EXT2: variants seen among roughly 807,000 people sequenced by gnomAD.
EXT2 encodes the protein exostosin glycosyltransferase 2.
A neutral mutation model predicts 81.6 loss-of-function variants in EXT2; 53 were observed. The ratio of observed to expected loss-of-function variants is 0.65; its 90% CI spans 0.52 to 0.82. The LOEUF is 0.82. Ranked by LOEUF, EXT2 falls within the 40% of genes least tolerant of loss-of-function variation. The probability of loss-of-function intolerance (pLI) is 0.00; values close to 1 mark genes in which losing one functional copy is unlikely to be tolerated. For synonymous variants in EXT2, 320 were observed against 340.0 expected (o/e 0.94, Z 0.65); for missense variants, 774 against 910.2 (o/e 0.85, Z 1.93).
chr11:44,117,653 C>G (rs183606244), intron 4 of EXT2, among the ~76,000 whole-genome samples: 1 of 152,172 alleles, frequency 6.6e-6, no homozygotes, highest in Non-Finnish European at 1.5e-5. Context: ...ATTGTCAATT[C>G]GAATCTGTTG....
chr11:44,167,171 A>C (rs993080331), intron 7 of EXT2, among the ~76,000 whole-genome samples: 1 of 152,204 alleles, frequency 6.6e-6, no homozygotes, highest in African/African-American at 2.4e-5. Context: ...GGCCTATTAA[A>C]GTATTTGGGA....
Position 44,244,388 on chromosome 11 carries a change from G to C in EXT2, c.*101G>C, listed in dbSNP as rs117755165. On this transcript the variant is annotated 3_prime_UTR_variant, in exon 14 of 14. Coordinates refer to ENST00000533608, the MANE Select transcript of EXT2 (RefSeq NM_207122.2). ...CAGAGTAGTAGGTTAAGGGTGGAAG[G>C]TTGACCTACTTGGATCTTGGCATGC... 6,004 of 1,352,236 alleles carry C rather than the reference G, an allele frequency of 4.4e-3. 25 individuals are homozygous for C. The highest frequency in any genetic ancestry group is 8.7e-3 in the Middle Eastern group (42 of 4,834). 83.8% of individuals were successfully genotyped at this position (1,352,236 alleles called of 1,614,324 possible).
intron 6 of EXT2, among the ~76,000 whole-genome samples, chr11:44,129,534 C>A (rs557194687): frequency 6.6e-6 from 1 of 152,204 alleles, no homozygotes; most frequent in Non-Finnish European, 1.5e-5. Flanking sequence ...ATTCTTCTGG[C>A]CTGCTTACTC....
chr11:44,171,246 A>G (rs1204536992), intron 7 of EXT2, among the ~76,000 whole-genome samples: 2 of 152,240 alleles, frequency 1.3e-5, no homozygotes, highest in African/African-American at 4.8e-5. Context: ...TTGTAAGAGT[A>G]TGTACATATG....
chr11:44,199,409 G>A (rs979057418), intron 9 of EXT2, among the ~76,000 whole-genome samples: 13 of 152,218 alleles, frequency 8.5e-5, no homozygotes, highest in South Asian at 2.1e-4. Flanking sequence ...TAGTCCCTTC[G>A]TTTATAAAGG....
chr11:44,116,969 CTT>C lies in EXT2; in HGVS notation c.743+2684_743+2685del, dbSNP rs555225810. On this transcript the variant is annotated intron_variant, in intron 4 of 13. Transcript: ENST00000533608. Reference sequence around the variant, plus strand: ...CATTCTATAGACTGCTTTTCACTTTCTTTTTTTTTTTTTTTTTGAGACGGAGT... The same window carrying C: ...CATTCTATAGACTGCTTTTCACTTTCTTTTTTTTTTTTTTTGAGACGGAGT... The C allele has an allele frequency of 3.9e-3, 533 of 137,544 alleles. 3 individuals carry two copies. Among genetic ancestry groups the C allele is most frequent in the Middle Eastern group, 0.023 (6 of 264 alleles). 8.5% of individuals were successfully genotyped at this position (137,544 alleles called of 1,614,324 possible).
intron 7 of EXT2, among the ~76,000 whole-genome samples, chr11:44,163,162 G>A (rs1483761989): frequency 1.3e-5 from 2 of 152,176 alleles, no homozygotes; most frequent in Non-Finnish European, 2.9e-5. Flanking sequence ...TCCACAAGAA[G>A]TGCCTTTAAA....
At chr11:44,213,527 A>G (rs979489898) in intron 10 of EXT2, among the ~76,000 whole-genome samples, 10 of 152,332 alleles carry the variant, frequency 6.6e-5, no homozygotes, top group African/African-American at 2.4e-4. Context: ...CAGTAAAAAG[A>G]CAGAAGATAT....
At chr11:44,177,340 A>C (rs1170326050) in intron 8 of EXT2, among the ~76,000 whole-genome samples, 1 of 152,162 alleles carries the variant, frequency 6.6e-6, no homozygotes, top group African/African-American at 2.4e-5. Context: ...AAGCTTTGTC[A>C]TCTCCCTAAA....
chr11:44,173,392 C>CT (rs1163997972), intron 8 of EXT2, among the ~76,000 whole-genome samples: 1 of 151,760 alleles, frequency 6.6e-6, no homozygotes, highest in Non-Finnish European at 1.5e-5. Flanking sequence ...GTTTTTCTGC[C>CT]TTTTTTATTT....
rs1423316368 is a variant in EXT2, at chr11:44,198,076, C to T, written c.1495+58C>T. 5.2e-6 allele frequency: 8 copies of T among 1,549,128 alleles called. No homozygotes were observed. In the East Asian group the frequency reaches 1.8e-4, roughly 35 times the overall value. On this transcript the variant is annotated intron_variant, in intron 9 of 13. Transcript: ENST00000533608. The stretch of plus-strand genomic sequence containing the variant: ...CAATTTTGGATGGCCAAATTATTCA[C>T]ATCCTTTGTTTTAAATAAATTTTCC...
chr11:44,130,569 C>T (rs922904201), intron 7 of EXT2, among the ~76,000 whole-genome samples: 2 of 152,156 alleles, frequency 1.3e-5, no homozygotes, highest in Non-Finnish European at 2.9e-5. Flanking sequence ...GGAATCCTTC[C>T]CTCTCTTCTG....
chr11:44,112,375 A>C (rs776490161), intron 3 of EXT2, among the ~76,000 whole-genome samples: 2 of 152,178 alleles, frequency 1.3e-5, no homozygotes, highest in African/African-American at 2.4e-5. Context: ...TCATATTAAT[A>C]CTTCTTTAGC....
At chr11:44,152,926 T>C (rs962021346) in intron 7 of EXT2, among the ~76,000 whole-genome samples, 3 of 152,236 alleles carry the variant, frequency 2.0e-5, no homozygotes, top group African/African-American at 7.2e-5. Flanking sequence ...TTGATGACTG[T>C]AGCTTTATTT....
chr11:44,223,689 G>T (rs117956812), intron 10 of EXT2, among the ~76,000 whole-genome samples: 1 of 146,476 alleles, frequency 6.8e-6, no homozygotes, highest in South Asian at 2.2e-4. Flanking sequence ...TCGCTCTGTC[G>T]CCTGGCGACA....
chr11:44,155,655 T>G (rs1954846893), intron 7 of EXT2, among the ~76,000 whole-genome samples: 1 of 152,204 alleles, frequency 6.6e-6, no homozygotes, highest in African/African-American at 2.4e-5. Context: ...TCCCTACCTT[T>G]TAACATTTTG....
At chr11:44,116,782 G>A (rs150217417) in intron 4 of EXT2, 51 of 152,204 alleles carry the variant, frequency 3.4e-4, no homozygotes, top group African/African-American at 1.2e-3. Flanking sequence ...ATCTTTTCAT[G>A]TGCTTATTGG....
At chr11:44,155,017 C>T (rs984077455) in intron 7 of EXT2, among the ~76,000 whole-genome samples, 1 of 152,014 alleles carries the variant, frequency 6.6e-6, no homozygotes, top group African/African-American at 2.4e-5. Flanking sequence ...AATCCCTTGT[C>T]AGATGGATTG....
intron 10 of EXT2, among the ~76,000 whole-genome samples, chr11:44,230,078 CG>C (rs1955881092): frequency 6.6e-6 from 1 of 152,116 alleles, no homozygotes; most frequent in Non-Finnish European, 1.5e-5. Flanking sequence ...TGGCTGGTTG[CG>C]GGTGCTGTTT....
Sources: gnomAD v4.1 joint callset for allele counts (sites outside exome capture counted in the v4.1 genomes callset) on GRCh38, gnomAD v4.1.1 for gene constraint, MANE v1.5 for transcripts, NCBI Gene and HGNC (gene_info 2026-07-23, HGNC 2026-07-21) for gene names.